The following THRB variants were observed in gnomAD, a reference collection of about 807,000 sequenced individuals.
THRB encodes the protein nuclear receptor subfamily 1 group A member 2.
A neutral mutation model predicts 47.8 loss-of-function variants in THRB; 12 were observed. The ratio of observed to expected loss-of-function variants is 0.25; its 90% CI spans 0.16 to 0.41. The LOEUF is 0.41. THRB is among the 10% of genes least tolerant of loss of function. The probability of loss-of-function intolerance (pLI) is 1.00; values close to 1 mark genes in which losing one functional copy is unlikely to be tolerated. For missense variants in THRB, 348 were observed against 589.2 expected, an observed-to-expected ratio of 0.59 and a Z score of 4.24; for synonymous variants, 218 against 212.2, an observed-to-expected ratio of 1.03 and a Z score of -0.24.
At chr3:24,293,223 C>T (rs1481427621) in intron 3 of THRB, among the ~76,000 whole-genome samples, 3 of 152,266 alleles carry the variant, frequency 2.0e-5, no homozygotes, top group African/African-American at 4.8e-5. Flanking sequence ...AATGTTGAGA[C>T]GTGTTGATCA....
At chr3:24,265,393 G>GCTT (rs1437368051) in intron 3 of THRB, among the ~76,000 whole-genome samples, 2 of 152,170 alleles carry the variant, frequency 1.3e-5, no homozygotes, top group African/African-American at 4.8e-5. Context: ...ATGTCTCAGT[G>GCTT]CTTCTCAGTA....
At chr3:24,182,155 T>G (rs1029402372) in intron 5 of THRB, among the ~76,000 whole-genome samples, 1 of 151,912 alleles carries the variant, frequency 6.6e-6, no homozygotes, top group Non-Finnish European at 1.5e-5. Context: ...GAGCCGAGAT[T>G]GCGCCACTGC....
Position 24,119,068 on chromosome 3 carries a change from C to G in THRB, c.*3816G>C, listed in dbSNP as rs927564458. ...AAATGTCTCAATTGTAAAAAATACA[C>G]ACCGGGCAAATCCTTACCTGGATAA... On this transcript the variant is annotated 3_prime_UTR_variant, in exon 11 of 11. Transcript: ENST00000646209. The G allele has an allele frequency of 7.4e-6, 1 of 136,016 alleles. No homozygotes were observed. The highest frequency in any genetic ancestry group is 1.5e-5 in the Non-Finnish European group (1 of 65,128). 8.4% of individuals were successfully genotyped at this position (136,016 alleles called of 1,614,324 possible).
intron 1 of THRB, among the ~76,000 whole-genome samples, chr3:24,375,843 T>C (rs1304495139): frequency 6.6e-6 from 1 of 152,112 alleles, no homozygotes; most frequent in East Asian, 1.9e-4. Context: ...CCCAAGTCTT[T>C]TTCTTTTCCT....
chr3:24,406,499 T>C (rs919535853), intron 1 of THRB, among the ~76,000 whole-genome samples: 3 of 151,792 alleles, frequency 2.0e-5, no homozygotes, highest in Admixed American at 1.3e-4. Context: ...TGGTTTGTTA[T>C]TGTTTATAAT....
intron 3 of THRB, among the ~76,000 whole-genome samples, chr3:24,231,407 A>G (rs1234929581): frequency 1.3e-5 from 2 of 152,148 alleles, no homozygotes; most frequent in Admixed American, 6.6e-5. Context: ...TTAATTCTAT[A>G]TAAGACTTTA....
chr3:24,197,261 T>C (rs1458559943), intron 4 of THRB, among the ~76,000 whole-genome samples: 3 of 152,238 alleles, frequency 2.0e-5, no homozygotes, highest in Non-Finnish European at 4.4e-5. Context: ...GGACTACCAA[T>C]AGGATTGTTC....
At chr3:24,440,571 A>G (rs1168265997) in intron 1 of THRB, among the ~76,000 whole-genome samples, 1 of 152,256 alleles carries the variant, frequency 6.6e-6, no homozygotes, top group African/African-American at 2.4e-5. Flanking sequence ...TAGAATATAA[A>G]AACAGAATAT....
chr3:24,422,566 C>G (rs1376980728), intron 1 of THRB, among the ~76,000 whole-genome samples: 1 of 151,928 alleles, frequency 6.6e-6, no homozygotes, highest in African/African-American at 2.4e-5. Context: ...CAGATGAAAG[C>G]TTAGATTTCC....
At chr3:24,154,471 A>G (rs1335937914) in intron 5 of THRB, among the ~76,000 whole-genome samples, 1 of 152,182 alleles carries the variant, frequency 6.6e-6, no homozygotes, top group South Asian at 2.1e-4. Flanking sequence ...TCATTCTTCA[A>G]TGAGAAAAAG....
chr3:24,183,531 C>A (rs1235045954), intron 5 of THRB, among the ~76,000 whole-genome samples: 1 of 151,600 alleles, frequency 6.6e-6, no homozygotes, highest in African/African-American at 2.4e-5. Flanking sequence ...CCATCCCCAG[C>A]TAATTTTTTT....
At chr3:24,220,616 T>A (rs2047055521) in intron 4 of THRB, among the ~76,000 whole-genome samples, 1 of 152,156 alleles carries the variant, frequency 6.6e-6, no homozygotes, top group African/African-American at 2.4e-5. Flanking sequence ...ACTGAAGTTG[T>A]TCTAGAAGCA....
intron 3 of THRB, among the ~76,000 whole-genome samples, chr3:24,232,393 C>T (rs915467444): frequency 6.6e-5 from 10 of 152,312 alleles, no homozygotes; most frequent in Middle Eastern, 3.4e-3. Context: ...CAGGTTTCAC[C>T]TTACCTGTCT....
chr3:24,146,843 C>G (rs1201997295), intron 6 of THRB, 21 bp from the exon 7 acceptor site: 24 of 1,610,880 alleles, frequency 1.5e-5, no homozygotes, highest in Non-Finnish European at 2.0e-5. Context: ...AACAAAGACC[C>G]AAGACAACAG....
At chr3:24,226,437 G>A (rs919834623) in intron 4 of THRB, among the ~76,000 whole-genome samples, 4 of 152,176 alleles carry the variant, frequency 2.6e-5, no homozygotes, top group East Asian at 1.9e-4. Flanking sequence ...GCCCACTAAC[G>A]TATACTGTAC....
intron 3 of THRB, among the ~76,000 whole-genome samples, chr3:24,296,230 C>A (rs1264250329): frequency 6.6e-6 from 1 of 152,202 alleles, no homozygotes; most frequent in African/African-American, 2.4e-5. Flanking sequence ...AAAGGACCAG[C>A]TCTCAGAGGC....
intron 5 of THRB, among the ~76,000 whole-genome samples, chr3:24,161,699 C>T (rs1306052509): frequency 1.3e-5 from 2 of 149,802 alleles, no homozygotes; most frequent in Non-Finnish European, 3.0e-5. Flanking sequence ...AAAGCAGATT[C>T]AGAAAGCACA....
chr3:24,453,207 A>G (rs34348685), intron 1 of THRB, among the ~76,000 whole-genome samples: 70,830 of 152,046 alleles, frequency 0.47, 18,890 homozygotes, highest in East Asian at 0.64. Context: ...TAGCAGCAAC[A>G]GTTATTAAAG....
At chr3:24,322,010 T>C (rs1355936156) in intron 2 of THRB, among the ~76,000 whole-genome samples, 1 of 152,088 alleles carries the variant, frequency 6.6e-6, no homozygotes, top group African/African-American at 2.4e-5. Context: ...CAGATGTGAG[T>C]TGGATTTGTG....
Sources: allele counts gnomAD v4.1 joint callset (sites outside exome capture counted in the v4.1 genomes callset), GRCh38; gene constraint gnomAD v4.1.1; transcripts MANE v1.5; gene names NCBI Gene and HGNC (gene_info 2026-07-23, HGNC 2026-07-21).